TENM1: variants seen among roughly 807,000 people sequenced by gnomAD.
TENM1 encodes teneurin transmembrane protein 1.
In TENM1, 35 loss-of-function variants were observed where a neutral mutation model predicts 174.8. That is an observed-to-expected ratio of 0.20 (90% CI 0.15 to 0.27). The LOEUF is 0.27. TENM1 is among the 10% of genes least tolerant of loss of function. The pLI is 1.00. For synonymous variants in TENM1, 781 were observed against 798.7 expected (o/e 0.98, Z 0.37); for missense variants, 1,633 against 2,130.1 (o/e 0.77, Z 4.59).
chrX:125,178,035 C>T, the TENM1 span, among the ~76,000 whole-genome samples: 1 of 111,281 alleles, frequency 9.0e-6, no homozygotes, highest in African/African-American at 3.3e-5. Context: ...TCTTTATGAG[C>T]CTTGCAGATG....
intron 3 of TENM1, among the ~76,000 whole-genome samples, chrX:124,752,971 T>C (rs1178581321): frequency 9.0e-6 from 1 of 111,240 alleles, no homozygotes; most frequent in Admixed American, 9.6e-5. Flanking sequence ...GACTTGGCGA[T>C]GCGGGCTCTT....
chrX:124,887,167 G>A (rs1371244332), intron 3 of TENM1, among the ~76,000 whole-genome samples: 1 of 110,944 alleles, frequency 9.0e-6, no homozygotes, highest in African/African-American at 3.3e-5. Context: ...AGGATATTAA[G>A]TGCAGCACTG....
chrX:125,031,712 G>T, the TENM1 span, among the ~76,000 whole-genome samples: 4 of 111,670 alleles, frequency 3.6e-5, no homozygotes, highest in African/African-American at 6.5e-5. Context: ...GCTCCTCTGT[G>T]AACTTCATCC....
intron 22 of TENM1, among the ~76,000 whole-genome samples, chrX:124,457,927 A>G (rs1309813564): frequency 8.9e-6 from 1 of 111,838 alleles, no homozygotes; most frequent in Non-Finnish European, 1.9e-5. Context: ...CATTCTCTTC[A>G]TCTATAGCCC....
chrX:124,884,416 C>T (rs754043214), intron 3 of TENM1, among the ~76,000 whole-genome samples: 7 of 110,920 alleles, frequency 6.3e-5, no homozygotes, highest in African/African-American at 2.0e-4. Flanking sequence ...TGACATCTCT[C>T]TCTGGAGCAA....
chrX:124,666,706 A>G (rs1046246938), intron 6 of TENM1, among the ~76,000 whole-genome samples: 13 of 111,463 alleles, frequency 1.2e-4, no homozygotes, highest in African/African-American at 3.6e-4. Flanking sequence ...CCAATTTCCT[A>G]TTCTTTGTCT....
chrX:124,690,484 A>AGTGTGTGT (rs58386633), intron 5 of TENM1, among the ~76,000 whole-genome samples: 36 of 93,490 alleles, frequency 3.9e-4, no homozygotes, highest in Middle Eastern at 5.4e-3. Context: ...GCTTTGTTAG[A>AGTGTGTGT]GTGTGTGTGT....
intron 3 of TENM1, among the ~76,000 whole-genome samples, chrX:124,869,297 A>G (rs2057065651): frequency 9.0e-6 from 1 of 111,178 alleles, no homozygotes; most frequent in African/African-American, 3.3e-5. Context: ...AGAGACAATA[A>G]CAAATGCTGG....
At chrX:125,089,400 T>G in the TENM1 span, among the ~76,000 whole-genome samples, 4 of 111,800 alleles carry the variant, frequency 3.6e-5, no homozygotes, top group Admixed American at 3.8e-4. Flanking sequence ...TGCTTAAAAT[T>G]GAAAAGCAGA....
intron 11 of TENM1, among the ~76,000 whole-genome samples, chrX:124,585,000 T>C (rs1354376636): frequency 2.5e-4 from 28 of 109,853 alleles, no homozygotes; most frequent in Middle Eastern, 4.7e-3. Flanking sequence ...CCTAAATATA[T>C]ATGCACCCAA....
At chrX:124,695,882 A>C (rs2052638352) in intron 5 of TENM1, among the ~76,000 whole-genome samples, 1 of 111,724 alleles carries the variant, frequency 9.0e-6, no homozygotes, top group Admixed American at 9.5e-5. Context: ...CCTATCAGCA[A>C]AAAGATTTAT....
At chrX:125,027,317 T>A in the TENM1 span, among the ~76,000 whole-genome samples, 137 of 111,698 alleles carry the variant, frequency 1.2e-3, no homozygotes, top group African/African-American at 4.2e-3. Flanking sequence ...CCATTTACAG[T>A]ATTAACGAAG....
At chrX:124,988,895 A>C in the TENM1 span, among the ~76,000 whole-genome samples, 1 of 111,775 alleles carries the variant, frequency 8.9e-6, no homozygotes, top group Non-Finnish European at 1.9e-5. Context: ...GCTACCTGGG[A>C]AAAAAAGGGA....
chrX:124,467,132 T>A (rs1008903967), intron 22 of TENM1, among the ~76,000 whole-genome samples: 1 of 111,696 alleles, frequency 9.0e-6, no homozygotes, highest in Non-Finnish European at 1.9e-5. Flanking sequence ...AAATGCAGTC[T>A]AATAAGCTTT....
At chrX:125,203,725 T>A in the TENM1 span, 1 of 112,876 alleles carries the variant, frequency 8.9e-6, no homozygotes, top group African/African-American at 3.2e-5. Context: ...AGTTCGCCTG[T>A]AGTCCTTGGG....
At chrX:124,857,763 T>TA (rs1226039905) in intron 3 of TENM1, among the ~76,000 whole-genome samples, 28 of 105,216 alleles carry the variant, frequency 2.7e-4, no homozygotes, top group East Asian at 5.9e-4. Context: ...ATAAAGCTGT[T>TA]AAAAAAAAAA....
At chrX:124,429,728 G>T (rs2060756930) in intron 23 of TENM1, among the ~76,000 whole-genome samples, 1 of 111,646 alleles carries the variant, frequency 9.0e-6, no homozygotes, top group African/African-American at 3.3e-5. Flanking sequence ...GCTAGGACTA[G>T]GTCCAGGTTC....
At chrX:124,500,292 C>A (rs2047299320) in intron 19 of TENM1, among the ~76,000 whole-genome samples, 1 of 111,836 alleles carries the variant, frequency 8.9e-6, no homozygotes, top group Non-Finnish European at 1.9e-5. Flanking sequence ...TTTTGTATTG[C>A]CCTGGAAAAA....
chrX:125,139,184 C>A, the TENM1 span, among the ~76,000 whole-genome samples: 27 of 111,409 alleles, frequency 2.4e-4, no homozygotes, highest in East Asian at 4.8e-3. Flanking sequence ...CAATAAAACA[C>A]AAAATGATTA....
Sources: allele counts gnomAD v4.1 joint callset (sites outside exome capture counted in the v4.1 genomes callset), GRCh38; gene constraint gnomAD v4.1.1; transcripts MANE v1.5; gene names NCBI Gene and HGNC (gene_info 2026-07-23, HGNC 2026-07-21).